The following EPHA3 variants were observed in gnomAD, a reference collection of about 807,000 sequenced individuals.
EPHA3 encodes ephrin type-A receptor 3.
Under a neutral mutation model 107.1 loss-of-function variants are expected in EPHA3, and 42 were observed. The ratio of observed to expected loss-of-function variants is 0.39; its 90% CI spans 0.31 to 0.51. The LOEUF is 0.51. EPHA3 is among the 20% of genes least tolerant of loss of function. The pLI is 0.78. For missense variants in EPHA3, 1,183 were observed against 1,211.2 expected (o/e 0.98, Z 0.35); for synonymous variants, 461 against 424.8 (o/e 1.09, Z -1.05).
chr3:89,316,911 A>G (rs1385654166), intron 3 of EPHA3, among the ~76,000 whole-genome samples: 2 of 151,604 alleles, frequency 1.3e-5, no homozygotes, highest in Admixed American at 6.6e-5. Context: ...TGAGGGAGAT[A>G]TTTTTGTACT....
chr3:89,287,146 G>C (rs1013730188), intron 3 of EPHA3, among the ~76,000 whole-genome samples: 1 of 152,044 alleles, frequency 6.6e-6, no homozygotes, highest in African/African-American at 2.4e-5. Context: ...GAACAATTAC[G>C]AACAGAAAAA....
At chr3:89,370,126 A>G (rs1328156167) in intron 5 of EPHA3, among the ~76,000 whole-genome samples, 3 of 150,878 alleles carry the variant, frequency 2.0e-5, no homozygotes, top group Admixed American at 6.6e-5. Context: ...AGAACTAGAA[A>G]TACCATTTGA....
chr3:89,477,500 C>T (rs1374449214), intron 16 of EPHA3, among the ~76,000 whole-genome samples: 2 of 152,090 alleles, frequency 1.3e-5, no homozygotes, highest in African/African-American at 4.8e-5. Context: ...TTCTTGAACA[C>T]CTTTATTGCC....
At chr3:89,394,264 G>T (rs77467044) in intron 5 of EPHA3, among the ~76,000 whole-genome samples, 1 of 152,106 alleles carries the variant, frequency 6.6e-6, no homozygotes, top group Non-Finnish European at 1.5e-5. Flanking sequence ...TAAAAAATTA[G>T]CTGATTGTGG....
intron 7 of EPHA3, among the ~76,000 whole-genome samples, chr3:89,402,674 T>C (rs1473864803): frequency 6.6e-6 from 1 of 152,102 alleles, no homozygotes; most frequent in Non-Finnish European, 1.5e-5. Flanking sequence ...CCTCTCGTTT[T>C]AATATTTTAT....
intron 3 of EPHA3, among the ~76,000 whole-genome samples, chr3:89,255,349 T>A (rs1705258461): frequency 6.7e-6 from 1 of 149,490 alleles, no homozygotes; most frequent in Admixed American, 6.6e-5. Flanking sequence ...GAGCTGCCCT[T>A]AGTCTGTTCA....
chr3:89,187,109 G>C (rs981525758), intron 2 of EPHA3, among the ~76,000 whole-genome samples: 2 of 151,530 alleles, frequency 1.3e-5, no homozygotes, highest in Non-Finnish European at 2.9e-5. Context: ...GAGTACTACA[G>C]ACTTTAATTT....
chr3:89,449,799 A>T (rs1325457881), intron 14 of EPHA3, among the ~76,000 whole-genome samples: 2 of 152,178 alleles, frequency 1.3e-5, no homozygotes, highest in East Asian at 3.9e-4. Flanking sequence ...CTGCAGTATA[A>T]CTAAAACCTG....
intron 6 of EPHA3, among the ~76,000 whole-genome samples, chr3:89,397,230 T>A (rs1708867660): frequency 6.6e-6 from 1 of 152,208 alleles, no homozygotes; most frequent in African/African-American, 2.4e-5. Context: ...TGATGCCAAA[T>A]AAACTTCATT....
intron 2 of EPHA3, among the ~76,000 whole-genome samples, chr3:89,201,300 A>G (rs1238564309): frequency 6.6e-6 from 1 of 152,144 alleles, no homozygotes; most frequent in African/African-American, 2.4e-5. Flanking sequence ...ACCTCCCACC[A>G]GGTCCCTCCC....
intron 5 of EPHA3, among the ~76,000 whole-genome samples, chr3:89,351,109 G>A (rs149840522): frequency 1.3e-5 from 2 of 151,248 alleles, no homozygotes; most frequent in African/African-American, 4.8e-5. Flanking sequence ...AGCCTACAGT[G>A]GCAGGCAGGA....
intron 3 of EPHA3, among the ~76,000 whole-genome samples, chr3:89,260,704 C>A (rs1705392217): frequency 6.6e-6 from 1 of 152,056 alleles, no homozygotes; most frequent in South Asian, 2.1e-4. Context: ...GTAAGATTTA[C>A]CTAAAGCTTT....
intron 3 of EPHA3, among the ~76,000 whole-genome samples, chr3:89,275,910 C>A (rs1401260856): frequency 1.3e-5 from 2 of 151,962 alleles, no homozygotes; most frequent in Non-Finnish European, 1.5e-5. Flanking sequence ...CAATGCAATG[C>A]AATACAATAT....
At chr3:89,149,608 A>T (rs796927749) in intron 2 of EPHA3, among the ~76,000 whole-genome samples, 10 of 151,570 alleles carry the variant, frequency 6.6e-5, no homozygotes, top group African/African-American at 2.4e-4. Context: ...AACATTAGGT[A>T]TATTTCCTAA....
At chr3:89,390,454 G>T (rs1032415487) in intron 5 of EPHA3, among the ~76,000 whole-genome samples, 1 of 151,968 alleles carries the variant, frequency 6.6e-6, no homozygotes, top group African/African-American at 2.4e-5. Context: ...CAAAAAATTA[G>T]CTAGGCATGG....
chr3:89,328,570 T>C (rs925057998), intron 3 of EPHA3, among the ~76,000 whole-genome samples: 1 of 152,204 alleles, frequency 6.6e-6, no homozygotes, highest in Non-Finnish European at 1.5e-5. Flanking sequence ...GGATTGCATG[T>C]TAATGCTACA....
chr3:89,123,237 G>C (rs1195882465), intron 1 of EPHA3, among the ~76,000 whole-genome samples: 1 of 152,100 alleles, frequency 6.6e-6, no homozygotes, highest in East Asian at 1.9e-4. Context: ...CTGCGCCTCC[G>C]GGTTGAAGCG....
Position 89,479,453 on chromosome 3 carries a change from G to A in EPHA3, c.2903G>A (p.Ser968Asn), listed in dbSNP as rs762268874. The A allele has an allele frequency of 5.0e-6, 8 of 1,614,142 alleles. No individual in the cohort carries two copies. The highest frequency in any genetic ancestry group is 4.5e-5 in the East Asian group (2 of 44,874). The change falls in exon 17 of 17, where the codon AGC becomes AAC. Residue 968 changes from serine (S) to asparagine (N), a missense_variant. Ser to Asn is a conservative substitution (Grantham distance 46). Coordinates refer to ENST00000336596, the MANE Select transcript of EPHA3 (RefSeq NM_005233.6). Reference sequence around the variant, plus strand: ...GGGCCACAGAAGAAGATCATCAGTAGCATTAAAGCTCTAGAAACGCAATCA... The same window carrying A: ...GGGCCACAGAAGAAGATCATCAGTAACATTAAAGCTCTAGAAACGCAATCA... ...VVGPQKKIISSIKALETQSKN... is the reference protein window; with the variant it reads ...VVGPQKKIISNIKALETQSKN...
chr3:89,430,709 A>G (rs1454136487), intron 12 of EPHA3, among the ~76,000 whole-genome samples: 1 of 152,178 alleles, frequency 6.6e-6, no homozygotes, highest in East Asian at 1.9e-4. Flanking sequence ...GATAATGTTT[A>G]AAAATGTAGC....
Sources: gnomAD v4.1 joint callset for allele counts (sites outside exome capture counted in the v4.1 genomes callset) on GRCh38, gnomAD v4.1.1 for gene constraint, MANE v1.5 for transcripts, NCBI Gene and HGNC (gene_info 2026-07-23, HGNC 2026-07-21) for gene names.